Variants in RLN2 observed in about 807,000 individuals in gnomAD.
RLN2 encodes the protein relaxin 2, also known as prorelaxin H2.
In RLN2, 10 loss-of-function variants were observed where a neutral mutation model predicts 7.3. The observed-to-expected ratio is 1.36, with a 90% CI of 0.84 to 2.31. RLN2 has a LOEUF of 2.31. Ranked by LOEUF, RLN2 falls within the 30% of genes most tolerant of loss-of-function variation. RLN2 has a pLI of 0.00. For synonymous variants in RLN2, 103 were observed against 82.3 expected, an observed-to-expected ratio of 1.25 and a Z score of -1.36; for missense variants, 298 against 217.6, an observed-to-expected ratio of 1.37 and a Z score of -2.32.
At chr9:5,337,418 G>A in the RLN2 span, among the ~76,000 whole-genome samples, 1 of 152,012 alleles carries the variant, frequency 6.6e-6, no homozygotes, top group African/African-American at 2.4e-5. Context: ...TAGGCTCAGA[G>A]AAAATATTCT....
At chr9:5,316,253 G>T in the RLN2 span, among the ~76,000 whole-genome samples, 1 of 151,756 alleles carries the variant, frequency 6.6e-6, no homozygotes, top group Non-Finnish European at 1.5e-5. Flanking sequence ...AACATCTTTA[G>T]GACTTTCTTC....
chr9:5,306,263 A>G (rs1213465308), upstream of RLN2, among the ~76,000 whole-genome samples: 1 of 151,598 alleles, frequency 6.6e-6, no homozygotes, highest in East Asian at 1.9e-4. Context: ...GTGCACCACC[A>G]CACCTGGCTA....
the RLN2 span, among the ~76,000 whole-genome samples, chr9:5,322,503 C>G: frequency 6.6e-6 from 1 of 152,038 alleles, no homozygotes; most frequent in Non-Finnish European, 1.5e-5. Flanking sequence ...GGAAGGAAAA[C>G]AGAGAAGCAA....
Position 5,304,244 on chromosome 9 carries a change from G to A in RLN2, c.211+126C>T, listed in dbSNP as rs981635664. On this transcript the variant is annotated intron_variant, in intron 1 of 1. Coordinates refer to ENST00000381627, the MANE Select transcript of RLN2 (RefSeq NM_134441.3). ...TTTAGGGACCAGCCACGGCTGAGTA[G>A]GGGCTGAGCGGTGGCAGCCAATGAG... is the stretch of plus-strand genomic sequence containing the variant. 7.9e-6 allele frequency: 5 copies of A among 633,276 alleles called. No homozygotes were observed. In the East Asian group the frequency reaches 8.5e-5, roughly 11 times the overall value. 39.2% of individuals were successfully genotyped at this position (633,276 alleles called of 1,614,324 possible). A position where few individuals can be genotyped will look rare whatever the true frequency, so the allele number is the denominator to read the frequency against.
At chr9:5,334,921 C>T in the RLN2 span, 1 of 188,768 alleles carries the variant, frequency 5.3e-6, no homozygotes, top group South Asian at 1.8e-4. Flanking sequence ...CATTTTGGTC[C>T]ACCTCATGTA....
intron 1 of RLN2, among the ~76,000 whole-genome samples, chr9:5,301,553 A>G (rs917758150): frequency 6.6e-6 from 1 of 152,222 alleles, no homozygotes; most frequent in Non-Finnish European, 1.5e-5. Context: ...GTGAAAACCC[A>G]TATCAGGTCT....
At position 5,300,060 on chromosome 9, in the gene RLN2, T is replaced by C; in HGVS notation, c.*38A>G. On this transcript the variant is annotated 3_prime_UTR_variant, in exon 2 of 2. Transcript: ENST00000381627. ...TCAGTGAAATGTCATTAAGAATATGTGTGAATATTATACGAGATGTGCACA... is the reference window on the plus strand; with the variant it reads ...TCAGTGAAATGTCATTAAGAATATGCGTGAATATTATACGAGATGTGCACA... 1.6e-6 allele frequency: 2 copies of C among 1,263,384 alleles called. No individual in the cohort carries two copies. The highest frequency in any genetic ancestry group is 2.2e-6 in the Non-Finnish European group (2 of 893,616). 78.3% of individuals were successfully genotyped at this position (1,263,384 alleles called of 1,614,324 possible).
the RLN2 span, among the ~76,000 whole-genome samples, chr9:5,324,059 T>A: frequency 1.3e-5 from 2 of 151,678 alleles, no homozygotes; most frequent in East Asian, 1.9e-4. Context: ...AATAAATAAA[T>A]AAATAAATAA....
chr9:5,333,454 C>A, the RLN2 span, among the ~76,000 whole-genome samples: 1 of 152,036 alleles, frequency 6.6e-6, no homozygotes, highest in Non-Finnish European at 1.5e-5. Context: ...ACACATACAC[C>A]CTCTCAAGAC....
the RLN2 span, among the ~76,000 whole-genome samples, chr9:5,322,512 A>C: frequency 6.6e-6 from 1 of 152,110 alleles, no homozygotes; most frequent in Non-Finnish European, 1.5e-5. Flanking sequence ...ACAGAGAAGC[A>C]AGCTGTGATC....
chr9:5,334,484 G>T, the RLN2 span, among the ~76,000 whole-genome samples: 1 of 151,982 alleles, frequency 6.6e-6, no homozygotes, highest in African/African-American at 2.4e-5. Context: ...TCTAACAAGT[G>T]TTCATACTAT....
At chr9:5,301,781 T>C (rs1816145604) in intron 1 of RLN2, among the ~76,000 whole-genome samples, 1 of 152,288 alleles carries the variant, frequency 6.6e-6, no homozygotes, top group Non-Finnish European at 1.5e-5. Flanking sequence ...GAGATTCAGT[T>C]GTTCCCCTTC....
chr9:5,300,202 C>T lies in RLN2; in HGVS notation c.454G>A (p.Gly152Ser). The change falls in exon 2 of 2, where the codon GGC (glycine) becomes AGC (serine). Residue 152 changes from glycine (G) to serine (S), a missense_variant. Coordinates refer to ENST00000381627, the MANE Select transcript of RLN2 (RefSeq NM_134441.3). Reference protein sequence around the residue: ...DSSPSELKYLGLDTHSRKKRQ... With the variant: ...DSSPSELKYLSLDTHSRKKRQ... Reference sequence around the variant, plus strand: ...TTTTTTCGAGAATGAGTATCCAAGCCTAAGTATTTTAATTCTGAAGGACTG... The same window carrying T: ...TTTTTTCGAGAATGAGTATCCAAGCTTAAGTATTTTAATTCTGAAGGACTG... 1 of 1,613,962 alleles carries T rather than the reference C, an allele frequency of 6.2e-7. No homozygotes were observed.
the RLN2 span, among the ~76,000 whole-genome samples, chr9:5,322,544 G>A: frequency 1.3e-5 from 2 of 151,988 alleles, no homozygotes; most frequent in African/African-American, 2.4e-5. Context: ...TGTAGCAAGT[G>A]CTTTGAATCT....
the RLN2 span, among the ~76,000 whole-genome samples, chr9:5,327,296 C>G: frequency 6.6e-6 from 1 of 152,066 alleles, no homozygotes; most frequent in Non-Finnish European, 1.5e-5. Flanking sequence ...TCACTACTAG[C>G]GCAGCAGTCT....
chr9:5,305,399 AC>A (rs1253305611), upstream of RLN2, among the ~76,000 whole-genome samples: 6 of 140,154 alleles, frequency 4.3e-5, no homozygotes, highest in Non-Finnish European at 9.0e-5. Context: ...ACACACACAC[AC>A]ACAGAGAGAG....
intron 1 of RLN2, 101 bp downstream of exon 1, chr9:5,304,269 G>C (rs1242536522): frequency 1.3e-6 from 1 of 751,756 alleles, no homozygotes; most frequent in Non-Finnish European, 2.2e-6. Context: ...CAGCCAATGA[G>C]ATCTCGAGTC....
chr9:5,304,725 G>A (rs1460711882), upstream of RLN2: 12 of 766,332 alleles, frequency 1.6e-5, no homozygotes, highest in Non-Finnish European at 2.4e-5. Flanking sequence ...TGTATCCCTT[G>A]GGCTATCACT....
At chr9:5,333,297 AAGG>A in the RLN2 span, among the ~76,000 whole-genome samples, 929 of 152,112 alleles carry the variant, frequency 6.1e-3, 10 homozygotes, top group African/African-American at 0.021. Flanking sequence ...AAAGAAGAAA[AAGG>A]AGAAGATTCA....
Sources: gnomAD v4.1 joint callset for allele counts (sites outside exome capture counted in the v4.1 genomes callset) on GRCh38, gnomAD v4.1.1 for gene constraint, MANE v1.5 for transcripts, NCBI Gene and HGNC (gene_info 2026-07-23, HGNC 2026-07-21) for gene names.